EML4: variants seen among roughly 807,000 people sequenced by gnomAD.
EML4 encodes the protein EMAP like 4, also known as echinoderm microtubule-associated protein-like 4.
EML4 carries 72 observed loss-of-function variants against 129.0 expected under a neutral mutation model. The ratio of observed to expected loss-of-function variants is 0.56; its 90% CI spans 0.46 to 0.68. The LOEUF is 0.68. Among genes scored for constraint, EML4 ranks in the 30% least tolerant of loss-of-function variants. The pLI, the probability that EML4 is intolerant of heterozygous loss-of-function variation, is 0.00. For synonymous variants in EML4, 532 were observed against 405.0 expected (o/e 1.31, Z -3.77); for missense variants, 1,363 against 1,190.6 (o/e 1.14, Z -2.13).
At chr2:42,216,277 C>G (rs1189120052) in intron 1 of EML4, among the ~76,000 whole-genome samples, 1 of 105,188 alleles carries the variant, frequency 9.5e-6, no homozygotes, top group Non-Finnish European at 1.7e-5. Flanking sequence ...GTGTCTTGCT[C>G]TGTCACCCAG....
At chr2:42,230,537 G>C (rs922253327) in intron 1 of EML4, among the ~76,000 whole-genome samples, 1 of 152,084 alleles carries the variant, frequency 6.6e-6, no homozygotes, top group Non-Finnish European at 1.5e-5. Flanking sequence ...CTCCCTAGTA[G>C]CTGGGACTAC....
chr2:42,248,771 T>G (rs529781392), intron 2 of EML4, among the ~76,000 whole-genome samples: 60 of 152,176 alleles, frequency 3.9e-4, no homozygotes, highest in Non-Finnish European at 7.6e-4. Flanking sequence ...ATTCTTTGAG[T>G]TACTCTGTTA....
chr2:42,312,948 T>A (rs1382163580), intron 17 of EML4, among the ~76,000 whole-genome samples: 2 of 55,134 alleles, frequency 3.6e-5, no homozygotes, highest in African/African-American at 1.3e-4. Flanking sequence ...ATGTATATCT[T>A]TTTTTTTTTT....
At chr2:42,203,949 C>T (rs909716117) in intron 1 of EML4, among the ~76,000 whole-genome samples, 6 of 152,078 alleles carry the variant, frequency 3.9e-5, no homozygotes, top group Non-Finnish European at 7.4e-5. Flanking sequence ...GAGATGGAGT[C>T]TCGCCCTTTT....
At chr2:42,230,655 C>G (rs922367979) in intron 1 of EML4, among the ~76,000 whole-genome samples, 7 of 152,198 alleles carry the variant, frequency 4.6e-5, no homozygotes, top group African/African-American at 1.7e-4. Context: ...ATCCCTCCAC[C>G]TCAGCCTCCG....
intron 11 of EML4, among the ~76,000 whole-genome samples, chr2:42,294,712 T>C (rs536661048): frequency 6.6e-6 from 1 of 151,600 alleles, no homozygotes; most frequent in Non-Finnish European, 1.5e-5. Context: ...AAAAAAAAAT[T>C]GTTGCGTGAA....
intron 1 of EML4, among the ~76,000 whole-genome samples, chr2:42,220,074 G>GTA (rs1351183670): frequency 6.6e-6 from 1 of 151,982 alleles, no homozygotes; most frequent in African/African-American, 2.4e-5. Context: ...CACTCATAGT[G>GTA]TATGTCATAG....
intron 6 of EML4, among the ~76,000 whole-genome samples, chr2:42,269,525 C>G (rs1666253658): frequency 6.6e-6 from 1 of 152,138 alleles, no homozygotes; most frequent in South Asian, 2.1e-4. Context: ...CAGATAAATA[C>G]TTCATATGTC....
intron 3 of EML4, among the ~76,000 whole-genome samples, chr2:42,259,657 T>G (rs908260079): frequency 6.6e-6 from 1 of 151,886 alleles, no homozygotes; most frequent in Non-Finnish European, 1.5e-5. Flanking sequence ...AGTAAGAAAT[T>G]TAAAACTCTG....
At chr2:42,203,806 A>G (rs1005349685) in intron 1 of EML4, among the ~76,000 whole-genome samples, 4 of 152,140 alleles carry the variant, frequency 2.6e-5, no homozygotes, top group Admixed American at 1.3e-4. Flanking sequence ...TTTGATAGGG[A>G]AAGAGTCCCC....
At chr2:42,260,244 T>C (rs558408880) in intron 3 of EML4, among the ~76,000 whole-genome samples, 49 of 152,200 alleles carry the variant, frequency 3.2e-4, no homozygotes, top group Middle Eastern at 3.4e-3. Flanking sequence ...CTCCGCTCAC[T>C]GCAAACTCCG....
At position 42,266,986 on chromosome 2, in the gene EML4, A is replaced by G. The variant is rs1666099018; in HGVS notation, c.667+2255A>G. On this transcript the variant is annotated intron_variant, in intron 6 of 22. Coordinates refer to ENST00000318522, the MANE Select transcript of EML4 (RefSeq NM_019063.5). Reference sequence around the variant, plus strand: ...GAGTTGTCTATAAAACTTAACCTACATGTAGAGATGTATAGCAAACAATGT... The same window carrying G: ...GAGTTGTCTATAAAACTTAACCTACGTGTAGAGATGTATAGCAAACAATGT... Among the ~76,000 whole-genome samples the G allele has an allele frequency of 3.9e-5, 6 of 152,194 alleles. No individual in the cohort carries two copies. In the South Asian group the frequency reaches 1.2e-3, roughly 31 times the overall value.
At position 42,245,094 on chromosome 2, in the gene EML4, C is replaced by CTTTTTTTTTTTTTTTTTTTTT. The variant is rs56808218; in HGVS notation, c.26-393_26-392insTTTTTTTTTTTTTTTTTTTTT. 3.4e-3 allele frequency among the ~76,000 whole-genome samples: 226 copies of CTTTTTTTTTTTTTTTTTTTTT among 66,538 alleles called. 47 individuals are homozygous for CTTTTTTTTTTTTTTTTTTTTT. Among genetic ancestry groups the CTTTTTTTTTTTTTTTTTTTTT allele is most frequent in the South Asian group, 5.4e-3 (6 of 1,112 alleles). The allele number at this position is 66,538 out of a possible 152,430, so 43.7% of individuals were successfully genotyped here. On this transcript the variant is annotated intron_variant, in intron 1 of 22. Transcript: ENST00000318522. ...AGTTTTTTGTTTTGAAATTTTCTTT[C>CTTTTTTTTTTTTTTTTTTTTT]TTTTTTTTTTTTTTTTTTGAGACAG... is the stretch of plus-strand genomic sequence containing the variant.
At chr2:42,235,367 C>G (rs114284650) in intron 1 of EML4, among the ~76,000 whole-genome samples, 2 of 116,066 alleles carry the variant, frequency 1.7e-5, no homozygotes, top group Non-Finnish European at 3.7e-5. Context: ...GGCTAAGGCG[C>G]GAGAATTACT....
intron 1 of EML4, among the ~76,000 whole-genome samples, chr2:42,243,126 G>A (rs1199248948): frequency 6.6e-6 from 1 of 152,044 alleles, no homozygotes; most frequent in Non-Finnish European, 1.5e-5. Flanking sequence ...CATTTTATAT[G>A]GTTCAGTCTC....
At chr2:42,289,562 A>C (rs930365849) in intron 11 of EML4, 7 of 152,096 alleles carry the variant, frequency 4.6e-5, no homozygotes, top group African/African-American at 1.7e-4. Flanking sequence ...TCTGTACATA[A>C]TCATCTTTCC....
At chr2:42,178,701 G>C (rs949012124) in intron 1 of EML4, among the ~76,000 whole-genome samples, 15 of 152,134 alleles carry the variant, frequency 9.9e-5, no homozygotes, top group African/African-American at 3.6e-4. Flanking sequence ...TGATCTGATG[G>C]AGTTGTCTGT....
intron 6 of EML4, among the ~76,000 whole-genome samples, chr2:42,279,087 G>T (rs1275572623): frequency 6.6e-6 from 1 of 152,148 alleles, no homozygotes; most frequent in African/African-American, 2.4e-5. Flanking sequence ...GCACTGTCTT[G>T]AAAATCTCAG....
chr2:42,299,695 T>A (rs1047671751), intron 13 of EML4, among the ~76,000 whole-genome samples: 1 of 152,196 alleles, frequency 6.6e-6, no homozygotes, highest in Non-Finnish European at 1.5e-5. Flanking sequence ...TTGTTTTGTT[T>A]GTTTGTTTTT....
Sources: allele counts gnomAD v4.1 joint callset (sites outside exome capture counted in the v4.1 genomes callset), GRCh38; gene constraint gnomAD v4.1.1; transcripts MANE v1.5; gene names NCBI Gene and HGNC (gene_info 2026-07-23, HGNC 2026-07-21).